SUGCT: variants seen among roughly 807,000 people sequenced by gnomAD.
SUGCT encodes succinyl-CoA:glutarate-CoA transferase.
A neutral mutation model predicts 55.0 loss-of-function variants in SUGCT; 41 were observed. The observed-to-expected ratio is 0.74, with a 90% CI of 0.58 to 0.97. The LOEUF (loss-of-function observed/expected upper bound fraction) is 0.97. SUGCT is among the 50% of genes least tolerant of loss of function. SUGCT has a pLI of 0.00. For missense variants in SUGCT, 568 were observed against 547.8 expected (o/e 1.04, Z -0.37); for synonymous variants, 187 against 200.4 (o/e 0.93, Z 0.56).
chr7:41,009,158 G>A, the SUGCT span, among the ~76,000 whole-genome samples: 2 of 146,440 alleles, frequency 1.4e-5, no homozygotes, highest in African/African-American at 5.1e-5. Context: ...AGGTTATAGT[G>A]AGCCATGACA....
intron 12 of SUGCT, among the ~76,000 whole-genome samples, chr7:40,513,473 G>A (rs1793056221): frequency 6.6e-6 from 1 of 152,074 alleles, no homozygotes; most frequent in African/African-American, 2.4e-5. Context: ...TTTTAAAGAG[G>A]CGTTCTGTGA....
At chr7:40,587,407 T>G (rs1234612213) in intron 12 of SUGCT, among the ~76,000 whole-genome samples, 2 of 152,222 alleles carry the variant, frequency 1.3e-5, no homozygotes, top group Non-Finnish European at 2.9e-5. Context: ...AAATAAATAA[T>G]TCTAAAATTC....
At chr7:40,348,262 A>G (rs1355998765) in intron 9 of SUGCT, among the ~76,000 whole-genome samples, 1 of 152,228 alleles carries the variant, frequency 6.6e-6, no homozygotes, top group African/African-American at 2.4e-5. Flanking sequence ...AATTTCTTGC[A>G]GTCAGGTGGT....
chr7:40,774,952 A>C lies in SUGCT; in HGVS notation c.1153+25455A>C, dbSNP rs1216959420. Among the ~76,000 whole-genome samples, 3 of 152,308 alleles carry C rather than the reference A, an allele frequency of 2.0e-5. No individual in the cohort carries two copies. In the East Asian group the frequency reaches 5.8e-4, roughly 29 times the overall value. ...TTGTGAAACAACAGTGACCAAAAAA[A>C]CCTCTAAATGAGACTGCAATTCTTG... On this transcript the variant is annotated intron_variant, in intron 13 of 13. Transcript: ENST00000335693.
the SUGCT span, chr7:40,965,637 C>A: frequency 6.6e-6 from 1 of 152,084 alleles, no homozygotes; most frequent in East Asian, 1.9e-4. Context: ...CATACTAAAA[C>A]AAATGAAACA....
chr7:40,878,737 A>G, the SUGCT span, among the ~76,000 whole-genome samples: 2 of 151,878 alleles, frequency 1.3e-5, no homozygotes, highest in South Asian at 2.1e-4. Context: ...CTCCACCAGA[A>G]AAACCCCTGC....
At chr7:40,897,101 C>T in the SUGCT span, among the ~76,000 whole-genome samples, 5 of 152,104 alleles carry the variant, frequency 3.3e-5, no homozygotes, top group Admixed American at 6.5e-5. Context: ...GAACACACAA[C>T]GGGGAAAAGA....
intron 13 of SUGCT, among the ~76,000 whole-genome samples, 177 bp from the exon 14 acceptor site, chr7:40,860,139 C>T (rs956302894): frequency 6.6e-6 from 1 of 152,206 alleles, no homozygotes; most frequent in African/African-American, 2.4e-5. Flanking sequence ...GAACCTGAGT[C>T]AAGAAAAGCC....
chr7:40,784,149 A>T (rs892641237), intron 13 of SUGCT, among the ~76,000 whole-genome samples: 4 of 152,130 alleles, frequency 2.6e-5, no homozygotes, highest in Non-Finnish European at 5.9e-5. Context: ...ATTGATACTC[A>T]CAAGATGGTT....
At chr7:40,433,034 A>G (rs543960896) in intron 9 of SUGCT, among the ~76,000 whole-genome samples, 2 of 152,124 alleles carry the variant, frequency 1.3e-5, no homozygotes, top group East Asian at 3.9e-4. Context: ...ATAATTTACA[A>G]TGACCCATCT....
intron 10 of SUGCT, among the ~76,000 whole-genome samples, chr7:40,451,977 T>C (rs991901281): frequency 6.6e-6 from 1 of 152,234 alleles, no homozygotes; most frequent in African/African-American, 2.4e-5. Flanking sequence ...TCAGGAAAGA[T>C]GGGACAACTT....
At chr7:40,597,936 T>A (rs1798099183) in intron 12 of SUGCT, among the ~76,000 whole-genome samples, 1 of 152,112 alleles carries the variant, frequency 6.6e-6, no homozygotes, top group Admixed American at 6.5e-5. Flanking sequence ...ATCATCTGCC[T>A]CCTCTATTAG....
At position 40,618,552 on chromosome 7, in the gene SUGCT, G is replaced by A. The variant is rs139723289; in HGVS notation, c.1089+122166G>A. ...AGTAGCATGTCTTCATACATTCTGTGTTGAATATGAAATTTTCCCTCTTCG... is the reference window on the plus strand; with the variant it reads ...AGTAGCATGTCTTCATACATTCTGTATTGAATATGAAATTTTCCCTCTTCG... On this transcript the variant is annotated intron_variant, in intron 12 of 13. Transcript: ENST00000335693. 3.4e-3 allele frequency among the ~76,000 whole-genome samples: 524 copies of A among 152,284 alleles called. 4 individuals are homozygous for A. Among genetic ancestry groups the A allele is most frequent in the African/African-American group, 0.012 (500 of 41,562 alleles).
chr7:40,616,427 C>T (rs1032827737), intron 12 of SUGCT, among the ~76,000 whole-genome samples: 1 of 152,098 alleles, frequency 6.6e-6, no homozygotes, highest in East Asian at 1.9e-4. Context: ...AGTGATCTAC[C>T]CGCCTCAGCC....
At chr7:40,251,449 T>C (rs1043567454) in intron 7 of SUGCT, among the ~76,000 whole-genome samples, 6 of 152,132 alleles carry the variant, frequency 3.9e-5, no homozygotes, top group Admixed American at 6.5e-5. Context: ...AGAAGTGGGA[T>C]GAGGTTGAAG....
intron 12 of SUGCT, among the ~76,000 whole-genome samples, chr7:40,593,992 G>A (rs1327797468): frequency 6.6e-6 from 1 of 152,130 alleles, no homozygotes; most frequent in Non-Finnish European, 1.5e-5. Context: ...ATACTATGCA[G>A]CCATAAAAAA....
chr7:40,588,403 T>C (rs1324007571), intron 12 of SUGCT, among the ~76,000 whole-genome samples: 3 of 152,078 alleles, frequency 2.0e-5, no homozygotes, highest in Non-Finnish European at 4.4e-5. Context: ...AAACTATAGA[T>C]TAGTATAATT....
chr7:40,996,602 T>C, the SUGCT span, among the ~76,000 whole-genome samples: 42 of 152,322 alleles, frequency 2.8e-4, no homozygotes, highest in African/African-American at 8.7e-4. Flanking sequence ...ACACCGTCCA[T>C]GCCAACTTTC....
At chr7:40,487,801 A>AT (rs1253438470) in intron 11 of SUGCT, among the ~76,000 whole-genome samples, 1 of 151,674 alleles carries the variant, frequency 6.6e-6, no homozygotes, top group African/African-American at 2.4e-5. Context: ...ATTAAAGCCT[A>AT]TTTTTTTCTG....
Sources: allele counts gnomAD v4.1 joint callset (sites outside exome capture counted in the v4.1 genomes callset), GRCh38; gene constraint gnomAD v4.1.1; transcripts MANE v1.5; gene names NCBI Gene and HGNC (gene_info 2026-07-23, HGNC 2026-07-21).